CNGB3: variants seen among roughly 807,000 people sequenced by gnomAD.
CNGB3 encodes the protein cyclic nucleotide gated channel subunit beta 3.
Under a neutral mutation model 92.8 loss-of-function variants are expected in CNGB3, and 86 were observed. The observed-to-expected ratio is 0.93, with a 90% confidence interval of 0.78 to 1.11. CNGB3 has a LOEUF of 1.11. Ranked by LOEUF, CNGB3 falls within the 50% of genes least tolerant of loss-of-function variation. The probability of loss-of-function intolerance (pLI) is 0.00; values close to 1 mark genes in which losing one functional copy is unlikely to be tolerated. For synonymous variants in CNGB3, 333 were observed against 332.7 expected, an observed-to-expected ratio of 1.00 and a Z score of -0.01; for missense variants, 1,026 against 956.8, an observed-to-expected ratio of 1.07 and a Z score of -0.95.
At chr8:86,713,126 A>T (rs1824781741) in intron 3 of CNGB3, among the ~76,000 whole-genome samples, 1 of 152,146 alleles carries the variant, frequency 6.6e-6, no homozygotes, top group Non-Finnish European at 1.5e-5. Context: ...GAGTTACTTA[A>T]AGGTGTTTTA....
intron 3 of CNGB3, among the ~76,000 whole-genome samples, chr8:86,678,511 C>T (rs994329723): frequency 6.6e-6 from 1 of 152,134 alleles, no homozygotes; most frequent in Admixed American, 6.6e-5. Flanking sequence ...GCACAATTTC[C>T]TAACCTAAGT....
chr8:86,658,671 A>G, intron 6 of CNGB3: 2 of 363,670 alleles, frequency 5.5e-6, no homozygotes, highest in Admixed American at 3.7e-5. Flanking sequence ...CATCTCCTTC[A>G]GCTCACCCAG....
intron 8 of CNGB3, 124 bp from the exon 9 acceptor site, chr8:86,644,810 C>T (rs1823266599): frequency 4.6e-6 from 3 of 655,140 alleles, no homozygotes; most frequent in Non-Finnish European, 6.3e-6. Flanking sequence ...TTTAAAAAAA[C>T]CAAGATCCTG....
chr8:86,584,529 T>G (rs1278749083), intron 15 of CNGB3, among the ~76,000 whole-genome samples: 3 of 152,112 alleles, frequency 2.0e-5, no homozygotes, highest in Non-Finnish European at 4.4e-5. Flanking sequence ...GTCTGCCAGA[T>G]GGATTTTGCC....
chr8:86,611,752 AC>A, intron 13 of CNGB3, 81 bp from the exon 14 acceptor site: 1 of 988,412 alleles, frequency 1.0e-6, no homozygotes, highest in South Asian at 1.3e-5. Context: ...ATGAAAATAA[AC>A]AGTAATATAT....
chr8:86,677,695 G>GT (rs1172834654), intron 3 of CNGB3, among the ~76,000 whole-genome samples: 1 of 152,166 alleles, frequency 6.6e-6, no homozygotes. Context: ...ATCAGGGAAG[G>GT]TAAGAGTTTG....
At chr8:86,725,379 T>C (rs1264813486) in intron 3 of CNGB3, among the ~76,000 whole-genome samples, 1 of 152,190 alleles carries the variant, frequency 6.6e-6, no homozygotes, top group Non-Finnish European at 1.5e-5. Flanking sequence ...CTAATAGGAC[T>C]GAAAATAATT....
At chr8:86,713,428 C>T (rs1441983935) in intron 3 of CNGB3, among the ~76,000 whole-genome samples, 2 of 152,124 alleles carry the variant, frequency 1.3e-5, no homozygotes, top group South Asian at 2.1e-4. Flanking sequence ...TTTTACAGTG[C>T]ACTTTGGGCA....
At position 86,739,528 on chromosome 8, in the gene CNGB3, T is replaced by G; in HGVS notation, c.211+127A>C. On this transcript the variant is annotated intron_variant, in intron 2 of 17. Transcript: ENST00000320005. ...TTTTTGAAATATTCAGATCTTCAAA[T>G]AACCTCAGTATGACCCTAGATAATT... is the stretch of plus-strand genomic sequence containing the variant. 6 of 1,416,790 alleles carry G rather than the reference T, an allele frequency of 4.2e-6. No homozygotes were observed. The East Asian group carries it at 1.5e-4, about 35-fold the overall frequency. 87.8% of individuals were successfully genotyped at this position (1,416,790 alleles called of 1,614,324 possible). A position where few individuals can be genotyped will look rare whatever the true frequency, so the allele number is the denominator to read the frequency against.
At chr8:86,581,088 C>G (rs942534269) in intron 15 of CNGB3, among the ~76,000 whole-genome samples, 5 of 152,108 alleles carry the variant, frequency 3.3e-5, no homozygotes, top group African/African-American at 1.2e-4. Flanking sequence ...GGTTAAGAGC[C>G]TGGAAATCAT....
intron 15 of CNGB3, among the ~76,000 whole-genome samples, chr8:86,583,357 G>A (rs1189966923): frequency 6.6e-6 from 1 of 152,196 alleles, no homozygotes; most frequent in Non-Finnish European, 1.5e-5. Flanking sequence ...GGCACCACAT[G>A]TGAAGTGGCA....
chr8:86,675,262 G>A (rs1823944434), intron 3 of CNGB3, among the ~76,000 whole-genome samples: 1 of 152,058 alleles, frequency 6.6e-6, no homozygotes, highest in South Asian at 2.1e-4. Flanking sequence ...CTGTAGACAT[G>A]AGGTTTCACC....
At chr8:86,725,676 T>C (rs1484835390) in intron 3 of CNGB3, among the ~76,000 whole-genome samples, 1 of 152,158 alleles carries the variant, frequency 6.6e-6, no homozygotes, top group Non-Finnish European at 1.5e-5. Context: ...TCCTAGATAA[T>C]CACGATGACT....
intron 6 of CNGB3, chr8:86,659,180 C>T (rs1823579673): frequency 2.8e-6 from 2 of 713,362 alleles, no homozygotes; most frequent in Non-Finnish European, 5.1e-6. Flanking sequence ...ATGTGTGCAC[C>T]TGCTCTGACA....
chr8:86,575,860 C>G lies in CNGB3; in HGVS notation c.2374G>C (p.Ala792Pro), dbSNP rs1563711156. 2.5e-6 allele frequency: 4 copies of G among 1,613,298 alleles called. No homozygotes were observed. The Admixed American group carries it at 6.7e-5, about 27-fold the overall frequency. The change falls in exon 18 of 18, where the codon GCT (alanine) becomes CCT (proline). Residue 792 changes from alanine (A) to proline (P), a missense_variant. Coordinates refer to ENST00000320005, the MANE Select transcript of CNGB3 (RefSeq NM_019098.5). ...QSLIISMAPS[A>P]EGGEEVLTIE... ...GTAAGAACCTCTTCTCCGCCCTCAG[C>G]AGAAGGAGCCATGCTGATAATGAGT...
chr8:86,660,239 C>A, intron 6 of CNGB3: 1 of 308,922 alleles, frequency 3.2e-6, no homozygotes. Context: ...GATATTCTCT[C>A]AATGTTTTCT....
At chr8:86,597,601 G>A (rs566904331) in intron 15 of CNGB3, among the ~76,000 whole-genome samples, 5 of 152,146 alleles carry the variant, frequency 3.3e-5, no homozygotes, top group Non-Finnish European at 5.9e-5. Context: ...CCAGGCGGAG[G>A]TAATAGAATG....
chr8:86,635,156 G>C (rs1823038287), intron 10 of CNGB3, among the ~76,000 whole-genome samples: 1 of 151,926 alleles, frequency 6.6e-6, no homozygotes, highest in Non-Finnish European at 1.5e-5. Context: ...AAGAAGTCTG[G>C]AATTAATTTT....
intron 1 of CNGB3, among the ~76,000 whole-genome samples, chr8:86,741,770 T>C (rs1324249841): frequency 6.6e-6 from 1 of 152,224 alleles, no homozygotes; most frequent in Non-Finnish European, 1.5e-5. Context: ...TAAGGGGTGC[T>C]CTACCTGTGC....
Sources: allele counts gnomAD v4.1 joint callset (sites outside exome capture counted in the v4.1 genomes callset), GRCh38; gene constraint gnomAD v4.1.1; transcripts MANE v1.5; gene names NCBI Gene and HGNC (gene_info 2026-07-23, HGNC 2026-07-21).